The following STAT1 variants were observed in gnomAD, a reference collection of about 807,000 sequenced individuals.
STAT1 encodes signal transducer and activator of transcription 1-alpha/beta.
Under a neutral mutation model 111.7 loss-of-function variants are expected in STAT1, and 24 were observed. The ratio of observed to expected loss-of-function variants is 0.21; its 90% CI spans 0.16 to 0.30. STAT1 has a LOEUF of 0.30. STAT1 is among the 10% of genes least tolerant of loss of function. STAT1 has a pLI of 1.00. For synonymous variants in STAT1, 332 were observed against 326.5 expected (o/e 1.02, Z -0.18); for missense variants, 351 against 911.9 (o/e 0.38, Z 7.92).
In STAT1 at chr2:190,981,395, A is replaced by G. The variant is rs1692378305; in HGVS notation, c.1583-726T>C. 1.3e-5 allele frequency among the ~76,000 whole-genome samples: 2 copies of G among 152,232 alleles called. No homozygotes were observed. The highest frequency in any genetic ancestry group is 2.1e-4 in the South Asian group (1 of 4,832). On this transcript the variant is annotated intron_variant, in intron 18 of 24. Transcript: ENST00000361099. The surrounding 1 kb of genome is among the most constrained non-coding windows in gnomAD (Gnocchi z 4.1). Reference sequence around the variant, plus strand: ...TGATGCAAATCAAAAACCAAGTGAGAGAAACGAGAGGAAGAAGCCCGGGGT... The same window carrying G: ...TGATGCAAATCAAAAACCAAGTGAGGGAAACGAGAGGAAGAAGCCCGGGGT...
rs1216196543 is a variant in STAT1 at position 190,986,812 on chromosome 2, A to T, written c.1221+42T>A. ...GGGCTGCTCTATTGTCAAAAGTCCT[A>T]AGAAACCAGAGACAACATAGAGAGG... On this transcript the variant is annotated intron_variant, in intron 14 of 24. Transcript: ENST00000361099. This position sits in a 1 kb window ranked among gnomAD's most constrained non-coding sequence, Gnocchi z 5.0. The T allele has an allele frequency of 5.0e-6, 8 of 1,586,974 alleles. No individual in the cohort carries two copies. The highest frequency in any genetic ancestry group is 6.9e-6 in the Non-Finnish European group (8 of 1,155,264).
chr2:191,008,391 C>T (rs930373017), intron 4 of STAT1, among the ~76,000 whole-genome samples: 2 of 152,168 alleles, frequency 1.3e-5, no homozygotes, highest in Non-Finnish European at 2.9e-5. Flanking sequence ...GCTGGGAGTA[C>T]ATCTGAAGAA....
In STAT1 at chr2:190,974,559, A is replaced by G. The variant is rs1691752232; in HGVS notation, c.2238+271T>C. ...AATATATGAAATTTCTACATGGACA[A>G]CTTTAAAGGGGAGAGGAGGAAACCT... On this transcript the variant is annotated intron_variant, in intron 24 of 24. Coordinates refer to ENST00000361099, the MANE Select transcript of STAT1 (RefSeq NM_007315.4). The surrounding 1 kb of genome is among the most constrained non-coding windows in gnomAD (Gnocchi z 4.8). Among the ~76,000 whole-genome samples the G allele has an allele frequency of 1.3e-5, 2 of 152,228 alleles. No individual in the cohort carries two copies. The highest frequency in any genetic ancestry group is 4.8e-5 in the African/African-American group (2 of 41,464).
rs1370764490 is a variant in STAT1, at chr2:190,976,604, A to C, written c.2059+236T>G. Among the ~76,000 whole-genome samples the C allele has an allele frequency of 1.3e-5, 2 of 152,210 alleles. No individual in the cohort carries two copies. Among genetic ancestry groups the C allele is most frequent in the Non-Finnish European group, 2.9e-5 (2 of 68,038 alleles). The stretch of plus-strand genomic sequence containing the variant: ...ACAGTGATAGTAACAAATACACAAG[A>C]CCAGCAATGGACTTTTCCAACATTC... On this transcript the variant is annotated intron_variant, in intron 22 of 24. Coordinates refer to ENST00000361099, the MANE Select transcript of STAT1 (RefSeq NM_007315.4). This position sits in a 1 kb window ranked among gnomAD's most constrained non-coding sequence, Gnocchi z 6.0.
Position 190,995,156 on chromosome 2 carries a change from C to T in STAT1, c.849G>A (p.Leu283=), listed in dbSNP as rs2125062495. The T allele has an allele frequency of 6.2e-7, 1 of 1,613,800 alleles. No homozygotes were observed. Among genetic ancestry groups the T allele is most frequent in the Non-Finnish European group, 8.5e-7 (1 of 1,179,964 alleles). The change falls in exon 10 of 25, where the codon TTG becomes TTA. Residue 283 remains leucine (L), a synonymous_variant. Coordinates refer to ENST00000361099, the MANE Select transcript of STAT1 (RefSeq NM_007315.4). The surrounding 1 kb of genome is among the most constrained non-coding windows in gnomAD (Gnocchi z 4.2). ...CATGTTCGTAGGTGTATTTCTGTTC[C>T]AATTCCTCCAACTTTTTAAGCTGCT... ...VRQQLKKLEE[L]EQKYTYEHDP...
chr2:191,013,624 G>A lies in STAT1; in HGVS notation c.-101C>T. 2.5e-6 allele frequency: 1 copy of A among 398,658 alleles called. No individual in the cohort carries two copies. The highest frequency in any genetic ancestry group is 4.4e-6 in the Non-Finnish European group (1 of 226,082). The allele number at this position is 398,658 out of a possible 1,614,324, so 24.7% of individuals were successfully genotyped here. ...AGACTGTCGAGGTTATATACACAGAGTGCGAACGTTAACCTAGACAGCTCT... is the reference window on the plus strand; with the variant it reads ...AGACTGTCGAGGTTATATACACAGAATGCGAACGTTAACCTAGACAGCTCT... On this transcript the variant is annotated 5_prime_UTR_variant, in exon 2 of 25. Coordinates refer to ENST00000361099, the MANE Select transcript of STAT1 (RefSeq NM_007315.4).
rs113581360 is a variant in STAT1, at chr2:190,998,519, G to T, written c.542-211C>A. On this transcript the variant is annotated intron_variant, in intron 7 of 24. Transcript: ENST00000361099. This position sits in a 1 kb window ranked among gnomAD's most constrained non-coding sequence, Gnocchi z 4.1. ...AAATACTTGTTTTCAAAAATTAGCC[G>T]GGCGCAGTGGCAGACGCCTGTAGTC... 6.6e-6 allele frequency among the ~76,000 whole-genome samples: 1 copy of T among 151,932 alleles called. No homozygotes were observed. Among genetic ancestry groups the T allele is most frequent in the Non-Finnish European group, 1.5e-5 (1 of 67,990 alleles).
chr2:190,993,088 C>A lies in STAT1; in HGVS notation c.945-1768G>T. On this transcript the variant is annotated intron_variant, in intron 10 of 24. Coordinates refer to ENST00000361099, the MANE Select transcript of STAT1 (RefSeq NM_007315.4). This position sits in a 1 kb window ranked among gnomAD's most constrained non-coding sequence, Gnocchi z 4.1. ...TACAGGCATGAGCCACCGTGCCGGG[C>A]CTTGTTGCATTCCTAGCACTAGTTT... The A allele has an allele frequency of 2.6e-6, 1 of 382,228 alleles. No homozygotes were observed. Among genetic ancestry groups the A allele is most frequent in the South Asian group, 2.2e-5 (1 of 44,918 alleles). 23.7% of individuals were successfully genotyped at this position (382,228 alleles called of 1,614,324 possible). A position where few individuals can be genotyped will look rare whatever the true frequency, so the allele number is the denominator to read the frequency against.
Position 190,981,500 on chromosome 2 carries a change from G to A in STAT1, c.1583-831C>T, listed in dbSNP as rs118069289. 8.5e-3 allele frequency among the ~76,000 whole-genome samples: 1,290 copies of A among 152,296 alleles called. 27 individuals are homozygous for A. The highest frequency in any genetic ancestry group is 0.059 in the East Asian group (305 of 5,188). On this transcript the variant is annotated intron_variant, in intron 18 of 24. Coordinates refer to ENST00000361099, the MANE Select transcript of STAT1 (RefSeq NM_007315.4). This position sits in a 1 kb window ranked among gnomAD's most constrained non-coding sequence, Gnocchi z 4.1. ...TCGGTCTTCAAAGAGAACTACAAAT[G>A]AGCCATTACAGCTAGAAAAGATATC...
rs1263837656 is a variant in STAT1 at position 190,995,960 on chromosome 2, A to C, written c.786-741T>G. 6.6e-6 allele frequency among the ~76,000 whole-genome samples: 1 copy of C among 152,190 alleles called. No homozygotes were observed. The highest frequency in any genetic ancestry group is 1.5e-5 in the Non-Finnish European group (1 of 68,026). ...GCTTCCAGGTGATGCAAGAGGCAGC[A>C]AAGAGCCACTGCAGGTTCTGTCAAG... On this transcript the variant is annotated intron_variant, in intron 9 of 24. Coordinates refer to ENST00000361099, the MANE Select transcript of STAT1 (RefSeq NM_007315.4). This position sits in a 1 kb window ranked among gnomAD's most constrained non-coding sequence, Gnocchi z 4.2.
chr2:191,001,368 C>T (rs557021326), intron 5 of STAT1, among the ~76,000 whole-genome samples: 31 of 152,286 alleles, frequency 2.0e-4, no homozygotes, highest in Admixed American at 3.9e-4. Context: ...AAACTAGGCT[C>T]AATTCATGTC....
At position 190,969,801 on chromosome 2, in the gene STAT1, G is replaced by A. The variant is rs1326360631; in HGVS notation, c.*902C>T. The stretch of plus-strand genomic sequence containing the variant: ...TAAATACCACCCTAATAACAAAAAG[G>A]ACAAAGTAGCCCATTTAAGAAACAT... On this transcript the variant is annotated 3_prime_UTR_variant, in exon 25 of 25. Coordinates refer to ENST00000361099, the MANE Select transcript of STAT1 (RefSeq NM_007315.4). 1 of 152,106 alleles carries A rather than the reference G, an allele frequency of 6.6e-6. No individual in the cohort carries two copies. The highest frequency in any genetic ancestry group is 1.5e-5 in the Non-Finnish European group (1 of 68,002). 9.4% of individuals were successfully genotyped at this position (152,106 alleles called of 1,614,324 possible). A position where few individuals can be genotyped will look rare whatever the true frequency, so the allele number is the denominator to read the frequency against.
chr2:190,979,482 A>G lies in STAT1; in HGVS notation c.1727+290T>C, dbSNP rs1039974240. ...GTTTTTCTTCCTTCCTAGGGGCCAC[A>G]TAGTAGGTGCTCAAAAAATTTTTGT... On this transcript the variant is annotated intron_variant, in intron 20 of 24. Transcript: ENST00000361099. The surrounding 1 kb of genome is among the most constrained non-coding windows in gnomAD (Gnocchi z 5.8). 6.6e-5 allele frequency among the ~76,000 whole-genome samples: 10 copies of G among 152,138 alleles called. No homozygotes were observed. The highest frequency in any genetic ancestry group is 3.3e-4 in the Admixed American group (5 of 15,278).
chr2:190,974,429 C>T lies in STAT1; in HGVS notation c.2238+401G>A, dbSNP rs1559004592. 6.6e-6 allele frequency among the ~76,000 whole-genome samples: 1 copy of T among 152,260 alleles called. No homozygotes were observed. Among genetic ancestry groups the T allele is most frequent in the Middle Eastern group, 3.4e-3 (1 of 294 alleles). On this transcript the variant is annotated intron_variant, in intron 24 of 24. Transcript: ENST00000361099. This position sits in a 1 kb window ranked among gnomAD's most constrained non-coding sequence, Gnocchi z 4.8. ...CTCTCTAATTACTGTAACTACCAAG[C>T]GTTAGTCCCTCCCTTTCTAAAAATA... is the stretch of plus-strand genomic sequence containing the variant.
chr2:190,986,465 C>T lies in STAT1; in HGVS notation c.1221+389G>A, dbSNP rs1220803516. Among the ~76,000 whole-genome samples the T allele has an allele frequency of 3.3e-5, 5 of 152,100 alleles. No homozygotes were observed. Among genetic ancestry groups the T allele is most frequent in the Non-Finnish European group, 7.4e-5 (5 of 68,022 alleles). ...GGCAGGGCCACCAGGAAGGGGAACA[C>T]GGGGGCTGAGGAGTGAACCCTGGTG... On this transcript the variant is annotated intron_variant, in intron 14 of 24. Coordinates refer to ENST00000361099, the MANE Select transcript of STAT1 (RefSeq NM_007315.4). This position sits in a 1 kb window ranked among gnomAD's most constrained non-coding sequence, Gnocchi z 5.0.
rs903591666 is a variant in STAT1, at chr2:190,999,567, T to A, written c.541+59A>T. 1.4e-5 allele frequency: 16 copies of A among 1,136,194 alleles called. No individual in the cohort carries two copies. The highest frequency in any genetic ancestry group is 2.1e-5 in the Non-Finnish European group (16 of 744,464). The allele number at this position is 1,136,194 out of a possible 1,614,324, so 70.4% of individuals were successfully genotyped here. A position where few individuals can be genotyped will look rare whatever the true frequency, so the allele number is the denominator to read the frequency against. On this transcript the variant is annotated intron_variant, in intron 7 of 24. Coordinates refer to ENST00000361099, the MANE Select transcript of STAT1 (RefSeq NM_007315.4). This position sits in a 1 kb window ranked among gnomAD's most constrained non-coding sequence, Gnocchi z 4.1. ...TAGAAAGGAGTAATCATCTTCGTTATCTAGTGTGAACAGAAAAAATTGCAG... is the reference window on the plus strand; with the variant it reads ...TAGAAAGGAGTAATCATCTTCGTTAACTAGTGTGAACAGAAAAAATTGCAG...
chr2:190,997,861 C>A lies in STAT1; in HGVS notation c.780G>T (p.Gln260His). ...TCTGCTTTGGAGAATCTTACCAGTTCTGCAGCTGATCCAAGCAAGCATTGG... is the reference window on the plus strand; with the variant it reads ...TCTGCTTTGGAGAATCTTACCAGTTATGCAGCTGATCCAAGCAAGCATTGG... ...GPPNACLDQL[Q>H]NWFTIVAESL... The change falls in exon 9 of 25, where the codon CAG (glutamine) becomes CAT (histidine). Residue 260 changes from glutamine to histidine, a missense_variant. This residue lies in a region of STAT1 where 67 missense variants were observed against 158.9 expected (regional missense o/e 0.42). Coordinates refer to ENST00000361099, the MANE Select transcript of STAT1 (RefSeq NM_007315.4). This position sits in a 1 kb window ranked among gnomAD's most constrained non-coding sequence, Gnocchi z 7.3. 1 of 1,614,232 alleles carries A rather than the reference C, an allele frequency of 6.2e-7. No individual in the cohort carries two copies.
rs1692919003 is a variant in STAT1, at chr2:190,987,206, C to A, written c.1098-138G>T. ...TAAATCTACACCTATGGATTTGCAG[C>A]CTTTCATTCACTCCCTGCTTCCATC... On this transcript the variant is annotated intron_variant, in intron 12 of 24. Transcript: ENST00000361099. This position sits in a 1 kb window ranked among gnomAD's most constrained non-coding sequence, Gnocchi z 4.0. 1 of 723,126 alleles carries A rather than the reference C, an allele frequency of 1.4e-6. No individual in the cohort carries two copies. The allele number at this position is 723,126 out of a possible 1,614,324, so 44.8% of individuals were successfully genotyped here.
rs1483887388 is a variant in STAT1, at chr2:191,012,106, G to A, written c.-2+1419C>T. ...TACATATGTAGCACCTGGCACAGAA[G>A]AGGTGAATTAATAAGCTCATGTTTG... On this transcript the variant is annotated intron_variant, in intron 2 of 24. Transcript: ENST00000361099. This position sits in a 1 kb window ranked among gnomAD's most constrained non-coding sequence, Gnocchi z 4.0. Among the ~76,000 whole-genome samples, 1 of 151,426 alleles carries A rather than the reference G, an allele frequency of 6.6e-6. No individual in the cohort carries two copies. The highest frequency in any genetic ancestry group is 2.4e-5 in the African/African-American group (1 of 41,280).
Sources: gnomAD v4.1 joint callset for allele counts (sites outside exome capture counted in the v4.1 genomes callset) on GRCh38, gnomAD v4.1.1 for gene constraint, gnomAD v4.1.1 regional missense constraint, Gnocchi (gnomAD v3.1) non-coding constraint, MANE v1.5 for transcripts, NCBI Gene and HGNC (gene_info 2026-07-23, HGNC 2026-07-21) for gene names.